The following TENM2 variants were observed in gnomAD, a reference collection of about 807,000 sequenced individuals.
TENM2 encodes the protein teneurin-2.
Under a neutral mutation model 245.2 loss-of-function variants are expected in TENM2, and 52 were observed. That is an observed-to-expected ratio of 0.21 (90% CI 0.17 to 0.27). The LOEUF is 0.27. Among genes scored for constraint, TENM2 ranks in the 10% least tolerant of loss-of-function variants. The pLI is 1.00. For missense variants in TENM2, 3,046 were observed against 3,666.8 expected, an observed-to-expected ratio of 0.83 and a Z score of 4.37; for synonymous variants, 1,363 against 1,438.9, an observed-to-expected ratio of 0.95 and a Z score of 1.19.
chr5:168,161,953 A>T (rs540727391), intron 12 of TENM2, among the ~76,000 whole-genome samples: 2 of 152,236 alleles, frequency 1.3e-5, no homozygotes, highest in South Asian at 4.2e-4. Context: ...GGCACCCAGC[A>T]TCTATCCACT....
At chr5:167,099,428 G>T in the TENM2 span, among the ~76,000 whole-genome samples, 1 of 152,186 alleles carries the variant, frequency 6.6e-6, no homozygotes, top group African/African-American at 2.4e-5. Flanking sequence ...GGGTGCAGTG[G>T]CTCACACCTG....
At chr5:167,811,012 A>G (rs1409652075) in intron 2 of TENM2, among the ~76,000 whole-genome samples, 1 of 152,150 alleles carries the variant, frequency 6.6e-6, no homozygotes, top group African/African-American at 2.4e-5. Flanking sequence ...ACACAGAATG[A>G]AAGACACGTC....
the TENM2 span, among the ~76,000 whole-genome samples, chr5:167,262,520 T>C: frequency 6.6e-6 from 1 of 152,120 alleles, no homozygotes; most frequent in Non-Finnish European, 1.5e-5. Context: ...AATTGCTCCT[T>C]CTTTTCCATT....
In TENM2 at chr5:167,469,742, A is replaced by G. The variant is rs558418819; in HGVS notation, c.502+94269A>G. ...AATTGAAATCCTAGATTTTTTTTTC[A>G]GAAAAATAAGACATGAGATGAGGAT... On this transcript the variant is annotated intron_variant, in intron 2 of 28. Coordinates refer to ENST00000518659, the Ensembl canonical transcript of TENM2. Among the ~76,000 whole-genome samples the G allele has an allele frequency of 7.7e-4, 117 of 151,678 alleles. 2 individuals are homozygous for G. Among genetic ancestry groups the G allele is most frequent in the African/African-American group, 2.7e-3 (111 of 41,414 alleles).
chr5:167,347,015 C>G (rs1390595750), intron 1 of TENM2, among the ~76,000 whole-genome samples: 1 of 151,972 alleles, frequency 6.6e-6, no homozygotes, highest in Admixed American at 6.6e-5. Flanking sequence ...CTGAAGTAAT[C>G]CGGACACCTT....
chr5:167,514,998 G>A (rs1000337401), intron 2 of TENM2, among the ~76,000 whole-genome samples: 3 of 152,084 alleles, frequency 2.0e-5, no homozygotes, highest in Non-Finnish European at 2.9e-5. Context: ...GTGACAGAGC[G>A]AGACTCCATC....
chr5:167,202,442 AATTT>A, the TENM2 span, among the ~76,000 whole-genome samples: 1 of 152,272 alleles, frequency 6.6e-6, no homozygotes, highest in Non-Finnish European at 1.5e-5. Flanking sequence ...CAAGTGAAGG[AATTT>A]AAATGACTAA....
At chr5:167,406,190 T>G (rs1762629418) in intron 2 of TENM2, among the ~76,000 whole-genome samples, 1 of 152,114 alleles carries the variant, frequency 6.6e-6, no homozygotes, top group Admixed American at 6.6e-5. Context: ...AAGGTACTTG[T>G]AAAGTTTGCT....
At chr5:167,017,108 A>G in the TENM2 span, among the ~76,000 whole-genome samples, 1 of 152,148 alleles carries the variant, frequency 6.6e-6, no homozygotes, top group African/African-American at 2.4e-5. Context: ...GAGATAACTG[A>G]ACATTGTTGA....
chr5:168,189,642 C>T (rs1581582779), intron 13 of TENM2, among the ~76,000 whole-genome samples: 1 of 152,242 alleles, frequency 6.6e-6, no homozygotes, highest in South Asian at 2.1e-4. Flanking sequence ...AAATGTAATA[C>T]TCTCAGCACC....
intron 2 of TENM2, among the ~76,000 whole-genome samples, chr5:167,866,562 T>A (rs1345372912): frequency 6.7e-6 from 1 of 149,668 alleles, no homozygotes; most frequent in Non-Finnish European, 1.5e-5. Context: ...CGGAGAGAGA[T>A]ATGAGGAGAG....
chr5:167,062,480 C>G, the TENM2 span, among the ~76,000 whole-genome samples: 2 of 144,624 alleles, frequency 1.4e-5, no homozygotes, highest in African/African-American at 5.5e-5. Flanking sequence ...TTCACTAAGA[C>G]TCCATGTCCA....
intron 7 of TENM2, among the ~76,000 whole-genome samples, chr5:168,081,171 T>C (rs1201570049): frequency 6.6e-6 from 1 of 152,208 alleles, no homozygotes; most frequent in South Asian, 2.1e-4. Flanking sequence ...AATTGATCCC[T>C]TTACCATTAT....
At chr5:168,239,936 A>T (rs555442051) in intron 25 of TENM2, among the ~76,000 whole-genome samples, 1 of 152,132 alleles carries the variant, frequency 6.6e-6, no homozygotes, top group African/African-American at 2.4e-5. Flanking sequence ...AAAAATCCAC[A>T]GCTGGGCACG....
the TENM2 span, among the ~76,000 whole-genome samples, chr5:167,168,787 T>A: frequency 6.6e-6 from 1 of 152,130 alleles, no homozygotes; most frequent in South Asian, 2.1e-4. Flanking sequence ...TGAGACAGAG[T>A]CTCGCTCTGT....
intron 2 of TENM2, among the ~76,000 whole-genome samples, chr5:167,729,442 C>T (rs941716168): frequency 8.5e-5 from 13 of 152,082 alleles, no homozygotes; most frequent in Admixed American, 6.6e-4. Flanking sequence ...GTGCTAATTG[C>T]TTTATTGAAA....
chr5:167,829,087 T>C (rs1004687734), intron 2 of TENM2, among the ~76,000 whole-genome samples: 1 of 152,214 alleles, frequency 6.6e-6, no homozygotes, highest in South Asian at 2.1e-4. Context: ...GAGCAGTGGA[T>C]TGAAGCTCTC....
intron 2 of TENM2, among the ~76,000 whole-genome samples, chr5:167,614,422 G>A (rs1777655622): frequency 6.6e-6 from 1 of 152,046 alleles, no homozygotes; most frequent in South Asian, 2.1e-4. Flanking sequence ...CATTCAGTGA[G>A]GTGGTAGTAA....
intron 1 of TENM2, among the ~76,000 whole-genome samples, chr5:167,357,672 C>T (rs1759434342): frequency 6.6e-6 from 1 of 152,128 alleles, no homozygotes; most frequent in African/African-American, 2.4e-5. Flanking sequence ...CAAGGCAAGG[C>T]TAGTGAATGA....
Sources: gnomAD v4.1 joint callset for allele counts (sites outside exome capture counted in the v4.1 genomes callset) on GRCh38, gnomAD v4.1.1 for gene constraint, MANE v1.5 for transcripts, NCBI Gene and HGNC (gene_info 2026-07-23, HGNC 2026-07-21) for gene names.